HCN1: variants seen among roughly 807,000 people sequenced by gnomAD.
HCN1 encodes the protein hyperpolarization activated cyclic nucleotide gated potassium channel 1.
Under a neutral mutation model 78.9 loss-of-function variants are expected in HCN1, and 13 were observed. The ratio of observed to expected loss-of-function variants is 0.16; its 90% CI spans 0.11 to 0.26. HCN1 has a LOEUF of 0.26. HCN1 is among the 10% of genes least tolerant of loss of function. The pLI is 1.00. For synonymous variants in HCN1, 552 were observed against 455.5 expected, an observed-to-expected ratio of 1.21 and a Z score of -2.70; for missense variants, 810 against 1,154.3, an observed-to-expected ratio of 0.70 and a Z score of 4.32.
chr5:45,445,861 G>T (rs1270371570), intron 3 of HCN1, among the ~76,000 whole-genome samples: 1 of 152,032 alleles, frequency 6.6e-6, no homozygotes, highest in Non-Finnish European at 1.5e-5. Flanking sequence ...CAAACACAAA[G>T]GACATGCACA....
At chr5:45,366,140 CTGAT>C (rs1283012137) in intron 4 of HCN1, among the ~76,000 whole-genome samples, 1 of 150,690 alleles carries the variant, frequency 6.6e-6, no homozygotes, top group East Asian at 1.9e-4. Context: ...TGTGGGTGCA[CTGAT>C]TGTTGTTACA....
chr5:45,641,066 T>G (rs980573798), intron 2 of HCN1, among the ~76,000 whole-genome samples: 1 of 152,162 alleles, frequency 6.6e-6, no homozygotes, highest in African/African-American at 2.4e-5. Flanking sequence ...AGATTTGATG[T>G]GATAAGCAAT....
chr5:45,591,671 T>A (rs1034546269), intron 2 of HCN1, among the ~76,000 whole-genome samples: 7 of 152,204 alleles, frequency 4.6e-5, no homozygotes, highest in Admixed American at 1.3e-4. Context: ...CTTGATATAT[T>A]TTGGATAACA....
intron 3 of HCN1, among the ~76,000 whole-genome samples, chr5:45,407,556 G>T (rs143480557): frequency 6.6e-6 from 1 of 152,026 alleles, no homozygotes; most frequent in African/African-American, 2.4e-5. Context: ...TCTCACTCTC[G>T]TTCCACAGGC....
In HCN1 at chr5:45,302,854, T is replaced by C. The variant is rs367970625; in HGVS notation, c.1618+745A>G. Among the ~76,000 whole-genome samples the C allele has an allele frequency of 2.0e-5, 3 of 152,114 alleles. No individual in the cohort carries two copies. The East Asian group carries it at 5.8e-4, about 30-fold the overall frequency. On this transcript the variant is annotated intron_variant, in intron 6 of 7. Transcript: ENST00000303230. ...CATCAGGGGTTTCTGCTTTTGCTTT[T>C]TCCTCATTATCTCTTGCTGCCATCA...
chr5:45,414,674 G>T (rs976167726), intron 3 of HCN1, among the ~76,000 whole-genome samples: 2 of 151,978 alleles, frequency 1.3e-5, no homozygotes, highest in Admixed American at 1.3e-4. Flanking sequence ...CTAGCAGCCT[G>T]GAGAGTGCAT....
At chr5:45,637,194 G>C (rs1745372720) in intron 2 of HCN1, among the ~76,000 whole-genome samples, 1 of 152,040 alleles carries the variant, frequency 6.6e-6, no homozygotes, top group Non-Finnish European at 1.5e-5. Flanking sequence ...TATGAAAGTG[G>C]CCATATTTAG....
chr5:45,373,068 G>A (rs1217672383), intron 4 of HCN1, among the ~76,000 whole-genome samples: 2 of 127,488 alleles, frequency 1.6e-5, no homozygotes, highest in African/African-American at 5.8e-5. Context: ...TAAAATATAT[G>A]TAGTATATAA....
At chr5:45,584,707 T>A (rs1257381587) in intron 2 of HCN1, among the ~76,000 whole-genome samples, 1 of 152,212 alleles carries the variant, frequency 6.6e-6, no homozygotes, top group Non-Finnish European at 1.5e-5. Flanking sequence ...CTTCTGGAGC[T>A]CTTTTAGGGC....
chr5:45,528,314 C>T (rs1742779364), intron 2 of HCN1, among the ~76,000 whole-genome samples: 1 of 151,916 alleles, frequency 6.6e-6, no homozygotes, highest in South Asian at 2.1e-4. Context: ...AATAATATCA[C>T]TAATAGCTTA....
At chr5:45,573,876 G>C (rs1419720839) in intron 2 of HCN1, among the ~76,000 whole-genome samples, 3 of 151,888 alleles carry the variant, frequency 2.0e-5, no homozygotes, top group Non-Finnish European at 4.4e-5. Context: ...CATTATATAA[G>C]CTTTCTGAAC....
At position 45,567,200 on chromosome 5, in the gene HCN1, C is replaced by T. The variant is rs1025940894; in HGVS notation, c.849+77985G>A. 2.1e-5 allele frequency among the ~76,000 whole-genome samples: 3 copies of T among 145,450 alleles called. No homozygotes were observed. The East Asian group carries it at 6.1e-4, about 29-fold the overall frequency. On this transcript the variant is annotated intron_variant, in intron 2 of 7. Coordinates refer to ENST00000303230, the MANE Select transcript of HCN1 (RefSeq NM_021072.4). Reference sequence around the variant, plus strand: ...GAAATTTATTCATCTGCCAGCATCACAGATTTTTCTTTCATTTTTTTTTTT... The same window carrying T: ...GAAATTTATTCATCTGCCAGCATCATAGATTTTTCTTTCATTTTTTTTTTT...
chr5:45,479,405 G>A (rs943133744), intron 2 of HCN1, among the ~76,000 whole-genome samples: 18 of 152,216 alleles, frequency 1.2e-4, no homozygotes, highest in Middle Eastern at 3.4e-3. Flanking sequence ...TTTAATTTTA[G>A]GAATACCATC....
chr5:45,487,869 G>A (rs375525015), intron 2 of HCN1, among the ~76,000 whole-genome samples: 5 of 152,170 alleles, frequency 3.3e-5, no homozygotes, highest in South Asian at 2.1e-4. Context: ...TTTGCTGAGC[G>A]ACAGAGAAGA....
chr5:45,315,367 G>A (rs1361202181), intron 5 of HCN1, among the ~76,000 whole-genome samples: 2 of 152,116 alleles, frequency 1.3e-5, no homozygotes, highest in African/African-American at 4.8e-5. Context: ...TAAAACCAAT[G>A]AGAACAAAGA....
intron 3 of HCN1, among the ~76,000 whole-genome samples, chr5:45,412,846 A>C (rs1243862256): frequency 6.6e-6 from 1 of 152,010 alleles, no homozygotes; most frequent in East Asian, 1.9e-4. Context: ...AAAAGAACTG[A>C]ATAGCATAAA....
intron 2 of HCN1, among the ~76,000 whole-genome samples, chr5:45,638,851 G>A (rs533998628): frequency 2.0e-5 from 3 of 152,232 alleles, no homozygotes; most frequent in East Asian, 1.9e-4. Context: ...GCAGTGAGCC[G>A]AGATGGAACC....
intron 6 of HCN1, among the ~76,000 whole-genome samples, chr5:45,279,170 A>G (rs948953130): frequency 6.6e-6 from 1 of 152,162 alleles, no homozygotes; most frequent in African/African-American, 2.4e-5. Flanking sequence ...GAAGTGAGGA[A>G]TTAGGTCAAA....
At chr5:45,540,140 C>A (rs1389668499) in intron 2 of HCN1, among the ~76,000 whole-genome samples, 1 of 151,644 alleles carries the variant, frequency 6.6e-6, no homozygotes, top group African/African-American at 2.4e-5. Flanking sequence ...TGAATTAAAG[C>A]AGTATACAAA....
Sources: gnomAD v4.1 joint callset for allele counts (sites outside exome capture counted in the v4.1 genomes callset) on GRCh38, gnomAD v4.1.1 for gene constraint, MANE v1.5 for transcripts, NCBI Gene and HGNC (gene_info 2026-07-23, HGNC 2026-07-21) for gene names.